Variants in TMEM117 observed in about 807,000 individuals in gnomAD.
TMEM117 encodes the protein transmembrane protein 117.
TMEM117 carries 27 observed loss-of-function variants against 52.4 expected under a neutral mutation model. That is an observed-to-expected ratio of 0.51 (90% confidence interval 0.38 to 0.71). The LOEUF (loss-of-function observed/expected upper bound fraction) is 0.71. Among genes scored for constraint, TMEM117 ranks in the 30% least tolerant of loss-of-function variants. The pLI, the probability that TMEM117 is intolerant of heterozygous loss-of-function variation, is 0.00. For missense variants in TMEM117, 556 were observed against 630.5 expected (o/e 0.88, Z 1.26); for synonymous variants, 215 against 206.3 (o/e 1.04, Z -0.36).
At chr12:44,266,085 GT>G (rs1032819833) in intron 5 of TMEM117, among the ~76,000 whole-genome samples, 2 of 152,218 alleles carry the variant, frequency 1.3e-5, no homozygotes, top group South Asian at 2.1e-4. Context: ...ATGGATATAT[GT>G]TTTTATTTCT....
intron 4 of TMEM117, among the ~76,000 whole-genome samples, chr12:44,161,289 G>T (rs1408413230): frequency 6.6e-6 from 1 of 152,126 alleles, no homozygotes; most frequent in Non-Finnish European, 1.5e-5. Flanking sequence ...TATTAATAAT[G>T]GAAAGAATGT....
chr12:43,969,838 G>T (rs1945551798), intron 3 of TMEM117, among the ~76,000 whole-genome samples: 1 of 151,906 alleles, frequency 6.6e-6, no homozygotes, highest in African/African-American at 2.4e-5. Flanking sequence ...CACCATTCCT[G>T]CCTCCTGGAA....
chr12:43,805,228 G>A, the TMEM117 span, among the ~76,000 whole-genome samples: 5 of 152,184 alleles, frequency 3.3e-5, no homozygotes, highest in Non-Finnish European at 7.3e-5. Context: ...TATGTAAGTA[G>A]GTAGTGCTTG....
chr12:44,351,060 T>TA (rs1951555662), intron 6 of TMEM117, among the ~76,000 whole-genome samples: 2 of 152,172 alleles, frequency 1.3e-5, no homozygotes, highest in South Asian at 4.1e-4. Flanking sequence ...AAACCATTTT[T>TA]AACTGGAGTG....
intron 5 of TMEM117, among the ~76,000 whole-genome samples, chr12:44,296,927 G>C (rs1950776291): frequency 6.6e-6 from 1 of 152,144 alleles, no homozygotes; most frequent in Non-Finnish European, 1.5e-5. Context: ...CTGTATCCAG[G>C]ACCACTGTTC....
chr12:44,347,030 AT>A (rs2138767839), intron 6 of TMEM117, among the ~76,000 whole-genome samples: 1 of 152,138 alleles, frequency 6.6e-6, no homozygotes, highest in African/African-American at 2.4e-5. Context: ...AATATAATTC[AT>A]TTGTAAATCT....
At chr12:44,383,682 C>A (rs1952050762) in intron 7 of TMEM117, among the ~76,000 whole-genome samples, 2 of 152,134 alleles carry the variant, frequency 1.3e-5, no homozygotes, top group Admixed American at 1.3e-4. Flanking sequence ...GCTGAAATAC[C>A]AACCCTCTGG....
intron 4 of TMEM117, among the ~76,000 whole-genome samples, chr12:44,145,767 G>A (rs1268900238): frequency 6.6e-6 from 1 of 152,176 alleles, no homozygotes; most frequent in Non-Finnish European, 1.5e-5. Flanking sequence ...AGGCTAAGAT[G>A]ATATGGTACA....
At chr12:44,157,204 ATTC>A (rs1327714186) in intron 4 of TMEM117, among the ~76,000 whole-genome samples, 1 of 152,158 alleles carries the variant, frequency 6.6e-6, no homozygotes, top group Non-Finnish European at 1.5e-5. Context: ...TGCTCCGCCA[ATTC>A]TTCATGTGCT....
chr12:43,890,008 G>A (rs1340835543), intron 2 of TMEM117, among the ~76,000 whole-genome samples: 1 of 152,110 alleles, frequency 6.6e-6, no homozygotes, highest in African/African-American at 2.4e-5. Flanking sequence ...AGTGGGATGA[G>A]AGCTTGGGCT....
At chr12:44,108,489 AATG>A (rs1177325992) in intron 3 of TMEM117, among the ~76,000 whole-genome samples, 1 of 90,764 alleles carries the variant, frequency 1.1e-5, no homozygotes, top group East Asian at 3.2e-4. Context: ...GTTTACTGAG[AATG>A]ATGGTTTCCA....
At chr12:44,171,161 G>A (rs945468812) in intron 4 of TMEM117, among the ~76,000 whole-genome samples, 15 of 150,758 alleles carry the variant, frequency 9.9e-5, no homozygotes, top group South Asian at 4.2e-4. Context: ...GACTACAGGC[G>A]CCCGCCACTA....
the TMEM117 span, among the ~76,000 whole-genome samples, chr12:43,799,714 C>T: frequency 1.5e-4 from 23 of 152,026 alleles, no homozygotes; most frequent in Admixed American, 1.4e-3. Context: ...TTATATGAAG[C>T]TTTATAATTA....
At chr12:44,167,949 G>A (rs986799090) in intron 4 of TMEM117, among the ~76,000 whole-genome samples, 6 of 151,768 alleles carry the variant, frequency 4.0e-5, no homozygotes, top group Admixed American at 1.3e-4. Context: ...ATTCAGATAG[G>A]CCAAGTAGAA....
intron 3 of TMEM117, among the ~76,000 whole-genome samples, chr12:44,082,975 T>A (rs1283221682): frequency 1.3e-5 from 2 of 152,170 alleles, no homozygotes; most frequent in Non-Finnish European, 2.9e-5. Context: ...TTTTTGTAAT[T>A]TTTTTCATCT....
chr12:44,076,869 A>T (rs1490900525), intron 3 of TMEM117, among the ~76,000 whole-genome samples: 2 of 152,192 alleles, frequency 1.3e-5, no homozygotes, highest in Non-Finnish European at 2.9e-5. Context: ...AACCATTTCC[A>T]GGAGCAGTAG....
At chr12:44,007,403 C>CT (rs1016092519) in intron 3 of TMEM117, among the ~76,000 whole-genome samples, 5 of 151,442 alleles carry the variant, frequency 3.3e-5, no homozygotes, top group South Asian at 2.1e-4. Flanking sequence ...TAAATTTCCT[C>CT]TTTTTTTTTC....
intron 3 of TMEM117, among the ~76,000 whole-genome samples, chr12:44,002,822 TAAAG>T (rs113766986): frequency 0.16 from 23,843 of 151,918 alleles, 2,836 homozygotes; most frequent in African/African-American, 0.34. Flanking sequence ...AAGAGGAAGT[TAAAG>T]AAGACAAGAA....
intron 3 of TMEM117, among the ~76,000 whole-genome samples, chr12:44,073,260 T>C (rs1338095207): frequency 6.6e-6 from 1 of 152,208 alleles, no homozygotes; most frequent in Non-Finnish European, 1.5e-5. Context: ...TTTCAGGCCA[T>C]GTAAAGAAGA....
Sources: gnomAD v4.1 joint callset for allele counts (sites outside exome capture counted in the v4.1 genomes callset) on GRCh38, gnomAD v4.1.1 for gene constraint, MANE v1.5 for transcripts, NCBI Gene and HGNC (gene_info 2026-07-23, HGNC 2026-07-21) for gene names.